The following FGD5 variants were observed in gnomAD, a reference collection of about 807,000 sequenced individuals.
FGD5 encodes FYVE, RhoGEF and PH domain containing 5.
A neutral mutation model predicts 133.4 loss-of-function variants in FGD5; 28 were observed. The observed-to-expected ratio is 0.21, with a 90% confidence interval of 0.16 to 0.29. The LOEUF (loss-of-function observed/expected upper bound fraction) is 0.29. Among genes scored for constraint, FGD5 ranks in the 10% least tolerant of loss-of-function variants. The probability of loss-of-function intolerance (pLI) is 1.00; values close to 1 mark genes in which losing one functional copy is unlikely to be tolerated. For synonymous variants in FGD5, 810 were observed against 776.5 expected, an observed-to-expected ratio of 1.04 and a Z score of -0.72; for missense variants, 1,858 against 1,895.2, an observed-to-expected ratio of 0.98 and a Z score of 0.36.
chr3:14,867,105 C>T (rs2037509960), intron 2 of FGD5, among the ~76,000 whole-genome samples: 1 of 152,246 alleles, frequency 6.6e-6, no homozygotes, highest in African/African-American at 2.4e-5. Context: ...TTGCACAAGG[C>T]ATGCTCTACC....
chr3:14,860,273 G>A (rs1036353375), intron 1 of FGD5, among the ~76,000 whole-genome samples: 1 of 152,224 alleles, frequency 6.6e-6, no homozygotes, highest in Non-Finnish European at 1.5e-5. Flanking sequence ...AGTCTGGTTT[G>A]TCCACTCTCT....
At chr3:14,847,563 C>T (rs996380285) in intron 1 of FGD5, among the ~76,000 whole-genome samples, 1 of 152,186 alleles carries the variant, frequency 6.6e-6, no homozygotes, top group African/African-American at 2.4e-5. Flanking sequence ...AGTATGTTCT[C>T]GTTGTTTTGT....
At chr3:14,928,086 C>T (rs916930220) in intron 18 of FGD5, among the ~76,000 whole-genome samples, 62 of 152,036 alleles carry the variant, frequency 4.1e-4, no homozygotes, top group African/African-American at 1.2e-3. Context: ...GGACTACAGG[C>T]GCCCACCACC....
At chr3:14,904,842 T>C (rs1334956690) in intron 9 of FGD5, among the ~76,000 whole-genome samples, 2 of 152,206 alleles carry the variant, frequency 1.3e-5, no homozygotes, top group African/African-American at 2.4e-5. Flanking sequence ...TTTATTTTAT[T>C]TTTTTGTAGA....
intron 16 of FGD5, chr3:14,923,403 T>G (rs1298514128): frequency 2.2e-5 from 13 of 581,196 alleles, no homozygotes. Context: ...TAGCTAAGCT[T>G]AGGAATCAGT....
rs574907730 is a variant in FGD5, at chr3:14,824,977, A to T, written c.2525+3381A>T. 8.5e-5 allele frequency among the ~76,000 whole-genome samples: 13 copies of T among 152,340 alleles called. No homozygotes were observed. The South Asian group carries it at 1.7e-3, about 19-fold the overall frequency. Reference sequence around the variant, plus strand: ...ACCACACAGAGACTTTCTACCTGGCAAAACCAGAAGAATCCAAAAGGACTA... The same window carrying T: ...ACCACACAGAGACTTTCTACCTGGCTAAACCAGAAGAATCCAAAAGGACTA... On this transcript the variant is annotated intron_variant, in intron 1 of 19. Coordinates refer to ENST00000285046, the MANE Select transcript of FGD5 (RefSeq NM_152536.4).
At position 14,819,978 on chromosome 3, in the gene FGD5, A is replaced by G. The variant is rs1194386759; in HGVS notation, c.907A>G (p.Thr303Ala). The part of the protein sequence containing the change: ...LSEPPDHEKK[T>A]NQEVAAATLE... ...TGAACCACCTGACCACGAGAAGAAA[A>G]CCAACCAAGAAGTGGCAGCCGCCAC... Residue 303 changes from threonine (T) to alanine (A), a missense_variant, in exon 1 of 20, where the codon ACC becomes GCC. Thr to Ala is a moderately conservative substitution (Grantham distance 58). Coordinates refer to ENST00000285046, the MANE Select transcript of FGD5 (RefSeq NM_152536.4). This position sits in a 1 kb window ranked among gnomAD's most constrained non-coding sequence, Gnocchi z 4.1. The G allele has an allele frequency of 3.7e-6, 6 of 1,613,664 alleles. No homozygotes were observed. The Admixed American group carries it at 5.0e-5, about 13-fold the overall frequency.
chr3:14,885,696 G>A (rs2037913357), intron 4 of FGD5, among the ~76,000 whole-genome samples: 1 of 152,190 alleles, frequency 6.6e-6, no homozygotes, highest in African/African-American at 2.4e-5. Context: ...CTAAGAGTAA[G>A]TGTCCCGAGA....
In FGD5 at chr3:14,819,398, T is replaced by G. The variant is rs1559466227; in HGVS notation, c.327T>G (p.Cys109Trp). ...AGCGTGAAGAGGGAGGCGAGGCATGTGGCCTGGAGGGTACAGGAGCTGGTG... is the reference window on the plus strand; with the variant it reads ...AGCGTGAAGAGGGAGGCGAGGCATGGGGCCTGGAGGGTACAGGAGCTGGTG... ...EEEREEGGEA[C>W]GLEGTGAGED... The change falls in exon 1 of 20, where the codon TGT becomes TGG. Residue 109 changes from cysteine (C) to tryptophan (W), a missense_variant. Transcript: ENST00000285046. The surrounding 1 kb of genome is among the most constrained non-coding windows in gnomAD (Gnocchi z 4.1). The G allele has an allele frequency of 6.5e-7, 1 of 1,549,572 alleles. No individual in the cohort carries two copies. The highest frequency in any genetic ancestry group is 1.2e-5 in the South Asian group (1 of 83,816).
upstream of FGD5, among the ~76,000 whole-genome samples, chr3:14,818,643 G>A (rs1471722237): frequency 6.6e-6 from 1 of 152,140 alleles, no homozygotes; most frequent in African/African-American, 2.4e-5. Context: ...AGTAGCTGCT[G>A]GATGAATGAA....
chr3:14,825,091 C>G (rs1189849968), intron 1 of FGD5, among the ~76,000 whole-genome samples: 3 of 152,172 alleles, frequency 2.0e-5, no homozygotes, highest in Non-Finnish European at 4.4e-5. Flanking sequence ...TAATAGAATT[C>G]AGAGAGCCCT....
At chr3:14,867,270 G>A (rs2037514356) in intron 2 of FGD5, among the ~76,000 whole-genome samples, 2 of 152,158 alleles carry the variant, frequency 1.3e-5, no homozygotes, top group East Asian at 3.9e-4. Flanking sequence ...TAACTTAGTT[G>A]GGTTCCTTCA....
chr3:14,837,512 C>T (rs992232503), intron 1 of FGD5, among the ~76,000 whole-genome samples: 1 of 152,152 alleles, frequency 6.6e-6, no homozygotes, highest in Admixed American at 6.5e-5. Context: ...GACTAGCCTT[C>T]TCTAGGTTTT....
intron 1 of FGD5, among the ~76,000 whole-genome samples, chr3:14,837,843 G>T (rs575714507): frequency 2.0e-5 from 3 of 152,230 alleles, no homozygotes; most frequent in Non-Finnish European, 4.4e-5. Flanking sequence ...CCCCAGAAAT[G>T]AAGTGATGAG....
chr3:14,921,015 TTC>T (rs1417837057), intron 13 of FGD5, among the ~76,000 whole-genome samples: 1 of 152,188 alleles, frequency 6.6e-6, no homozygotes, highest in Non-Finnish European at 1.5e-5. Context: ...AGCAAATAGT[TTC>T]TGTTAGTCCG....
At chr3:14,821,694 G>T in intron 1 of FGD5, 98 bp downstream of exon 1, 1 of 1,428,002 alleles carries the variant, frequency 7.0e-7, no homozygotes, top group Non-Finnish European at 9.2e-7. Context: ...CCAGCCTCAG[G>T]CTCTGTTTCT....
At chr3:14,925,100 CAAAAAAAAAAAAAAA>C (rs10714568) in intron 17 of FGD5, among the ~76,000 whole-genome samples, 1 of 71,822 alleles carries the variant, frequency 1.4e-5, no homozygotes, top group African/African-American at 6.4e-5. Context: ...GACTCTGTCT[CAAAAAAAAAAAAAAA>C]AAAAAAAAAA....
At position 14,820,720 on chromosome 3, in the gene FGD5, C is replaced by T. The variant is rs200148865; in HGVS notation, c.1649C>T (p.Ser550Leu). 192 of 1,601,812 alleles carry T rather than the reference C, an allele frequency of 1.2e-4. No individual in the cohort carries two copies. Among genetic ancestry groups the T allele is most frequent in the Non-Finnish European group, 6.6e-5 (77 of 1,175,368 alleles). ...KPRAFTLYPRSFSVEGREIPV... is the reference protein window; with the variant it reads ...KPRAFTLYPRLFSVEGREIPV... ...AGGGCCTTTACTTTATACCCTCGGT[C>T]GTTCTCCGTGGAAGGCCGAGAGATT... The change falls in exon 1 of 20, where the codon TCG becomes TTG. Residue 550 changes from serine to leucine, a missense_variant. This residue lies in a region of FGD5 where 1,824 missense variants were observed against 1,848.9 expected (regional missense o/e 0.99). Coordinates refer to ENST00000285046, the MANE Select transcript of FGD5 (RefSeq NM_152536.4).
At position 14,897,639 on chromosome 3, in the gene FGD5, T is replaced by C; in HGVS notation, c.2879T>C (p.Leu960Pro). 1 of 1,604,816 alleles carries C rather than the reference T, an allele frequency of 6.2e-7. No individual in the cohort carries two copies. The highest frequency in any genetic ancestry group is 8.5e-7 in the Non-Finnish European group (1 of 1,175,814). ...PAIHDLHQGI[L>P]EELEERLSNW... ...ATCCACGACCTTCATCAAGGCATCCTGGAGGAGCTGGAGGAAAGGCTGTCA... is the reference window on the plus strand; with the variant it reads ...ATCCACGACCTTCATCAAGGCATCCCGGAGGAGCTGGAGGAAAGGCTGTCA... Residue 960 changes from leucine to proline, a missense_variant, in exon 5 of 20, where the codon CTG (leucine) becomes CCG (proline). Around this residue, in one of 3 missense-constraint regions of FGD5, gnomAD observed 1,824 missense variants for 1,848.9 expected, o/e 0.99. Transcript: ENST00000285046.
Sources: gnomAD v4.1 joint callset for allele counts (sites outside exome capture counted in the v4.1 genomes callset) on GRCh38, gnomAD v4.1.1 for gene constraint, gnomAD v4.1.1 regional missense constraint, Gnocchi (gnomAD v3.1) non-coding constraint, MANE v1.5 for transcripts, NCBI Gene and HGNC (gene_info 2026-07-23, HGNC 2026-07-21) for gene names.